Variants in LRRC4C observed in about 807,000 individuals in gnomAD.
The protein encoded by LRRC4C is leucine rich repeat containing 4C.
A neutral mutation model predicts 33.6 loss-of-function variants in LRRC4C; 5 were observed. That is an observed-to-expected ratio of 0.15 (90% confidence interval 0.08 to 0.31). The LOEUF is 0.31. Ranked by LOEUF, LRRC4C falls within the 10% of genes least tolerant of loss-of-function variation. The pLI, the probability that LRRC4C is intolerant of heterozygous loss-of-function variation, is 1.00. For synonymous variants in LRRC4C, 329 were observed against 302.0 expected (o/e 1.09, Z -0.93); for missense variants, 560 against 796.7 (o/e 0.70, Z 3.58).
intron 2 of LRRC4C, among the ~76,000 whole-genome samples, chr11:40,729,866 G>A (rs927621207): frequency 6.6e-6 from 1 of 151,970 alleles, no homozygotes; most frequent in Non-Finnish European, 1.5e-5. Flanking sequence ...AAAATAAATG[G>A]CAAGTAGAGA....
chr11:41,253,761 C>A (rs1231139228), intron 1 of LRRC4C, among the ~76,000 whole-genome samples: 2 of 152,046 alleles, frequency 1.3e-5, no homozygotes, highest in African/African-American at 4.8e-5. Flanking sequence ...CCTTGTGAGG[C>A]AAAAGTTAGT....
intron 1 of LRRC4C, among the ~76,000 whole-genome samples, chr11:41,264,551 G>A (rs1949088290): frequency 6.6e-6 from 1 of 152,120 alleles, no homozygotes; most frequent in African/African-American, 2.4e-5. Flanking sequence ...TGTACATATA[G>A]ACCCACATCA....
chr11:40,279,886 T>C (rs1943355591), intron 4 of LRRC4C, among the ~76,000 whole-genome samples: 2 of 152,192 alleles, frequency 1.3e-5, no homozygotes, highest in Non-Finnish European at 2.9e-5. Flanking sequence ...CTCTGGGAGA[T>C]ATAATTTCAT....
chr11:40,925,152 G>T (rs1957364459), intron 2 of LRRC4C, among the ~76,000 whole-genome samples: 1 of 129,698 alleles, frequency 7.7e-6, no homozygotes, highest in African/African-American at 2.6e-5. Flanking sequence ...TCTCTTTCCT[G>T]TGTATCATAT....
At chr11:40,637,749 T>G (rs1941837626) in intron 3 of LRRC4C, among the ~76,000 whole-genome samples, 1 of 152,186 alleles carries the variant, frequency 6.6e-6, no homozygotes, top group South Asian at 2.1e-4. Context: ...GTCCAAGAAA[T>G]TATCATCTTC....
At chr11:41,260,215 T>C (rs939002975) in intron 1 of LRRC4C, among the ~76,000 whole-genome samples, 2 of 152,092 alleles carry the variant, frequency 1.3e-5, no homozygotes, top group Admixed American at 1.3e-4. Context: ...AATGCAAAGA[T>C]ACCTTGCCTG....
intron 1 of LRRC4C, among the ~76,000 whole-genome samples, chr11:41,095,636 C>T (rs1430194945): frequency 6.6e-6 from 1 of 152,006 alleles, no homozygotes; most frequent in Non-Finnish European, 1.5e-5. Flanking sequence ...TCTTTCTAAC[C>T]CTGGGATAGA....
intron 1 of LRRC4C, among the ~76,000 whole-genome samples, chr11:41,287,737 G>T (rs1949873504): frequency 6.6e-6 from 1 of 152,144 alleles, no homozygotes; most frequent in African/African-American, 2.4e-5. Flanking sequence ...TTACTTTCCT[G>T]TTAAACCTTG....
intron 1 of LRRC4C, among the ~76,000 whole-genome samples, chr11:41,280,494 G>A (rs761070768): frequency 2.0e-5 from 3 of 152,142 alleles, no homozygotes; most frequent in Admixed American, 2.0e-4. Flanking sequence ...TATAACAGAG[G>A]CTGTGCTCAA....
In LRRC4C at chr11:41,338,809, T is replaced by C. The variant is rs538532577; in HGVS notation, c.-496+120622A>G. On this transcript the variant is annotated intron_variant, in intron 1 of 6. Coordinates refer to ENST00000528697, the MANE Select transcript of LRRC4C (RefSeq NM_001258419.2). Reference sequence around the variant, plus strand: ...AGCAATTTGTTTGTAGTAAGATGGATGAAAATCTGAGTTCCTACTCTCTAA... The same window carrying C: ...AGCAATTTGTTTGTAGTAAGATGGACGAAAATCTGAGTTCCTACTCTCTAA... Among the ~76,000 whole-genome samples, 8 of 152,168 alleles carry C rather than the reference T, an allele frequency of 5.3e-5. No individual in the cohort carries two copies. The South Asian group carries it at 1.7e-3, about 32-fold the overall frequency.
chr11:41,312,965 A>G (rs1423991416), intron 1 of LRRC4C, among the ~76,000 whole-genome samples: 2 of 152,214 alleles, frequency 1.3e-5, no homozygotes, highest in Non-Finnish European at 2.9e-5. Flanking sequence ...GACTGGGGCC[A>G]TTTTGCAGTG....
chr11:40,771,247 G>C (rs1172893940), intron 2 of LRRC4C, among the ~76,000 whole-genome samples: 1 of 152,166 alleles, frequency 6.6e-6, no homozygotes, highest in African/African-American at 2.4e-5. Flanking sequence ...CCACGTGGAA[G>C]CTACCAAGGC....
intron 1 of LRRC4C, among the ~76,000 whole-genome samples, chr11:41,116,315 G>A (rs1382797301): frequency 1.3e-5 from 2 of 152,088 alleles, no homozygotes; most frequent in Non-Finnish European, 2.9e-5. Flanking sequence ...CTAGCTCATA[G>A]GTTGCAGGAG....
chr11:40,557,548 T>C (rs1957378070), intron 3 of LRRC4C, among the ~76,000 whole-genome samples: 2 of 152,168 alleles, frequency 1.3e-5, no homozygotes, highest in African/African-American at 4.8e-5. Context: ...CAGGTTACAT[T>C]GTTATTACAC....
chr11:41,454,466 C>A (rs1005951848), intron 1 of LRRC4C, among the ~76,000 whole-genome samples: 182 of 152,096 alleles, frequency 1.2e-3, no homozygotes, highest in African/African-American at 4.3e-3. Context: ...GATTGTAGCG[C>A]TTGTTCCTGG....
intron 3 of LRRC4C, among the ~76,000 whole-genome samples, chr11:40,344,035 G>T (rs972760013): frequency 2.0e-5 from 3 of 151,894 alleles, no homozygotes; most frequent in Non-Finnish European, 4.4e-5. Flanking sequence ...AAAAGCCCAG[G>T]ACCAGGTGCA....
At chr11:41,316,984 C>T (rs1950816135) in intron 1 of LRRC4C, among the ~76,000 whole-genome samples, 1 of 152,222 alleles carries the variant, frequency 6.6e-6, no homozygotes, top group South Asian at 2.1e-4. Context: ...CTCCCAGACA[C>T]TCGAACTCAT....
At chr11:40,898,353 CAAA>C (rs765252333) in intron 2 of LRRC4C, among the ~76,000 whole-genome samples, 572 of 38,362 alleles carry the variant, frequency 0.015, 13 homozygotes, top group African/African-American at 0.057. Context: ...AACTCCATCT[CAAA>C]AAAAAAAAAA....
At chr11:41,402,451 G>T (rs1035758519) in intron 1 of LRRC4C, among the ~76,000 whole-genome samples, 5 of 152,030 alleles carry the variant, frequency 3.3e-5, no homozygotes, top group African/African-American at 9.7e-5. Flanking sequence ...ATTGATAAAA[G>T]TATTCCTTTC....
Sources: allele counts gnomAD v4.1 joint callset (sites outside exome capture counted in the v4.1 genomes callset), GRCh38; gene constraint gnomAD v4.1.1; transcripts MANE v1.5; gene names NCBI Gene and HGNC (gene_info 2026-07-23, HGNC 2026-07-21).